The following SLC12A6 variants were observed in gnomAD, a reference collection of about 807,000 sequenced individuals.
SLC12A6 encodes the protein solute carrier family 12 member 6, also known as K-Cl cotransporter 3.
SLC12A6 carries 66 observed loss-of-function variants against 135.3 expected under a neutral mutation model. That is an observed-to-expected ratio of 0.49 (90% CI 0.40 to 0.60). The LOEUF (loss-of-function observed/expected upper bound fraction) is 0.60. Among genes scored for constraint, SLC12A6 ranks in the 20% least tolerant of loss-of-function variants. The probability of loss-of-function intolerance (pLI) is 0.00; values close to 1 mark genes in which losing one functional copy is unlikely to be tolerated. For synonymous variants in SLC12A6, 513 were observed against 508.8 expected (o/e 1.01, Z -0.11); for missense variants, 1,058 against 1,452.3 (o/e 0.73, Z 4.41).
intron 12 of SLC12A6, 59 bp downstream of exon 12, chr15:34,250,572 T>A: frequency 1.1e-6 from 1 of 950,808 alleles, no homozygotes; most frequent in Non-Finnish European, 1.7e-6. Flanking sequence ...ATACTGATCA[T>A]CTAGTTCTAC....
At chr15:34,246,237 C>T (rs188929907) in intron 13 of SLC12A6, among the ~76,000 whole-genome samples, 8,441 of 152,054 alleles carry the variant, frequency 0.056, 284 homozygotes, top group Non-Finnish European at 0.073. Context: ...CCAGCCCACC[C>T]AGTTTTTTTT....
intron 2 of SLC12A6, chr15:34,318,467 T>G (rs1334893465): frequency 1.0e-6 from 1 of 973,028 alleles, no homozygotes; most frequent in Non-Finnish European, 1.7e-6. Context: ...CACTTTTCTC[T>G]GTCCTAAAGA....
chr15:34,275,748 C>A (rs139441072), intron 2 of SLC12A6, among the ~76,000 whole-genome samples: 1 of 152,008 alleles, frequency 6.6e-6, no homozygotes, highest in Non-Finnish European at 1.5e-5. Flanking sequence ...ATGTAATATA[C>A]ACATACAATG....
At chr15:34,259,465 C>G (rs1347949029) in intron 4 of SLC12A6, among the ~76,000 whole-genome samples, 1 of 151,844 alleles carries the variant, frequency 6.6e-6, no homozygotes, top group African/African-American at 2.4e-5. Flanking sequence ...GCCTGGGCAA[C>G]AGAGTGAGAC....
At chr15:34,238,923 C>G (rs1311909292) in intron 20 of SLC12A6, 42 bp downstream of exon 20, 6 of 1,521,378 alleles carry the variant, frequency 3.9e-6, no homozygotes, top group Non-Finnish European at 5.5e-6. Context: ...ACTATATACC[C>G]TCGACTTGGG....
chr15:34,235,346 T>TA, intron 24 of SLC12A6, 32 bp from the exon 25 acceptor site: 3 of 1,601,120 alleles, frequency 1.9e-6, no homozygotes, highest in Non-Finnish European at 2.6e-6. Flanking sequence ...GTTGTTAAGG[T>TA]AAAAAGACAA....
intron 2 of SLC12A6, among the ~76,000 whole-genome samples, chr15:34,315,429 G>A (rs912255483): frequency 5.3e-5 from 8 of 152,036 alleles, no homozygotes; most frequent in African/African-American, 1.9e-4. Context: ...TGGTAATAAA[G>A]TATATTTTAG....
At position 34,327,589 on chromosome 15, in the gene SLC12A6, C is replaced by T. The variant is rs147018027; in HGVS notation, c.271+8821G>A. On this transcript the variant is annotated intron_variant, in intron 2 of 25. Transcript: ENST00000354181. ...AGGAGAACTGCTTGAACCTGTGAGG[C>T]GGAGGCTGCAGTGAGCCGAGACCGC... is the stretch of plus-strand genomic sequence containing the variant. 8.2e-4 allele frequency among the ~76,000 whole-genome samples: 125 copies of T among 151,598 alleles called. 1 individual carries two copies. Among genetic ancestry groups the T allele is most frequent in the Admixed American group, 2.4e-3 (36 of 15,208 alleles).
intron 3 of SLC12A6, among the ~76,000 whole-genome samples, chr15:34,263,588 G>C (rs1008428239): frequency 3.3e-5 from 5 of 151,770 alleles, no homozygotes; most frequent in Non-Finnish European, 5.9e-5. Context: ...AACTTTATTT[G>C]AGCACTTCCT....
chr15:34,314,818 A>C (rs995806568), intron 2 of SLC12A6: 2 of 144,928 alleles, frequency 1.4e-5, no homozygotes, highest in African/African-American at 2.6e-5. Flanking sequence ...CCTTCACTTG[A>C]CCAGCCTTAA....
intron 2 of SLC12A6, among the ~76,000 whole-genome samples, chr15:34,323,358 C>G (rs1156489300): frequency 6.6e-6 from 1 of 152,148 alleles, no homozygotes; most frequent in Non-Finnish European, 1.5e-5. Context: ...GGTCCCTGGC[C>G]TGTTAGGAAC....
chr15:34,307,505 T>C (rs1387434643), intron 2 of SLC12A6, among the ~76,000 whole-genome samples: 2 of 152,188 alleles, frequency 1.3e-5, no homozygotes, highest in East Asian at 1.9e-4. Flanking sequence ...TTTTTAAAAT[T>C]GAAGATGAGG....
chr15:34,323,625 G>C (rs905258648), intron 2 of SLC12A6, among the ~76,000 whole-genome samples: 1 of 152,154 alleles, frequency 6.6e-6, no homozygotes, highest in Non-Finnish European at 1.5e-5. Context: ...ACCAGCCTCT[G>C]GTGCCAAAAA....
intron 2 of SLC12A6, among the ~76,000 whole-genome samples, chr15:34,331,751 A>G (rs1367294820): frequency 6.6e-6 from 1 of 152,214 alleles, no homozygotes; most frequent in African/African-American, 2.4e-5. Context: ...ATAGGGACAA[A>G]AAGAGCCTGG....
chr15:34,330,408 C>A (rs1889758428), intron 2 of SLC12A6, among the ~76,000 whole-genome samples: 1 of 152,168 alleles, frequency 6.6e-6, no homozygotes, highest in African/African-American at 2.4e-5. Flanking sequence ...CGCGGTGGCT[C>A]ACGCCTGTAA....
intron 2 of SLC12A6, among the ~76,000 whole-genome samples, chr15:34,304,479 A>T (rs888530346): frequency 6.6e-6 from 1 of 152,242 alleles, no homozygotes; most frequent in African/African-American, 2.4e-5. Context: ...TTTCCAAAGT[A>T]GTTGTACTAT....
intron 3 of SLC12A6, among the ~76,000 whole-genome samples, chr15:34,270,337 T>C (rs1051684445): frequency 2.6e-5 from 4 of 152,094 alleles, no homozygotes; most frequent in South Asian, 2.1e-4. Flanking sequence ...GTAATCCTCC[T>C]ACCTCCCTCC....
intron 2 of SLC12A6, among the ~76,000 whole-genome samples, chr15:34,323,241 C>A (rs1410706626): frequency 6.6e-6 from 1 of 151,884 alleles, no homozygotes; most frequent in African/African-American, 2.4e-5. Context: ...ATATGCAAAC[C>A]ACTAAAAACC....
intron 2 of SLC12A6, among the ~76,000 whole-genome samples, chr15:34,284,621 T>G (rs1314628319): frequency 6.6e-6 from 1 of 152,176 alleles, no homozygotes; most frequent in East Asian, 1.9e-4. Context: ...TCAGTAAATA[T>G]TTTCTGAGAA....
Sources: gnomAD v4.1 joint callset for allele counts (sites outside exome capture counted in the v4.1 genomes callset) on GRCh38, gnomAD v4.1.1 for gene constraint, MANE v1.5 for transcripts, NCBI Gene and HGNC (gene_info 2026-07-23, HGNC 2026-07-21) for gene names.